Variants in FASTKD1 observed in about 807,000 individuals in gnomAD.
FASTKD1 encodes FAST kinase domain-containing protein 1, mitochondrial.
Under a neutral mutation model 90.9 loss-of-function variants are expected in FASTKD1, and 94 were observed. The ratio of observed to expected loss-of-function variants is 1.03; its 90% CI spans 0.88 to 1.23. The LOEUF (loss-of-function observed/expected upper bound fraction) is 1.23, where lower values mean the gene tolerates loss of function less well. FASTKD1 is among the 50% of genes most tolerant of loss of function. FASTKD1 has a pLI of 0.00. For missense variants in FASTKD1, 945 were observed against 993.5 expected, an observed-to-expected ratio of 0.95 and a Z score of 0.66; for synonymous variants, 319 against 345.8, an observed-to-expected ratio of 0.92 and a Z score of 0.86.
Position 169,529,644 on chromosome 2 carries a change from A to G in FASTKD1, c.*181T>C. On this transcript the variant is annotated 3_prime_UTR_variant, in exon 15 of 15. Coordinates refer to ENST00000453153, the MANE Select transcript of FASTKD1 (RefSeq NM_024622.6). Reference sequence around the variant, plus strand: ...TCTGTTATCTCTTATCTTTTCTCTTATACACTCCCACCCCACTCCCCACTT... The same window carrying G: ...TCTGTTATCTCTTATCTTTTCTCTTGTACACTCCCACCCCACTCCCCACTT... 1.8e-6 allele frequency: 1 copy of G among 546,230 alleles called. No homozygotes were observed. The highest frequency in any genetic ancestry group is 1.9e-5 in the African/African-American group (1 of 52,226). 33.8% of individuals were successfully genotyped at this position (546,230 alleles called of 1,614,324 possible). A position where few individuals can be genotyped will look rare whatever the true frequency, so the allele number is the denominator to read the frequency against.
chr2:169,539,080 CAACATGGTG>C (rs1300261893), intron 10 of FASTKD1, among the ~76,000 whole-genome samples: 1 of 151,720 alleles, frequency 6.6e-6, no homozygotes, highest in East Asian at 1.9e-4. Flanking sequence ...CCAACCTGGC[CAACATGGTG>C]AAACCTCGTC....
At position 169,565,918 on chromosome 2, in the gene FASTKD1, A is replaced by C. The variant is rs115943672; in HGVS notation, c.447-2568T>G. Among the ~76,000 whole-genome samples the C allele has an allele frequency of 8.4e-3, 1,280 of 152,008 alleles. 12 individuals carry two copies. The highest frequency in any genetic ancestry group is 0.029 in the African/African-American group (1,191 of 41,446). ...GAGATGATGTCTCATTGTAGTTTTG[A>C]TTTGCATTTTTCTGATGTTGCACCT... is the stretch of plus-strand genomic sequence containing the variant. On this transcript the variant is annotated intron_variant, in intron 3 of 14. Transcript: ENST00000453153.
chr2:169,540,240 A>G, intron 9 of FASTKD1, 61 bp from the exon 10 acceptor site: 1 of 1,395,566 alleles, frequency 7.2e-7, no homozygotes, highest in Non-Finnish European at 9.6e-7. Flanking sequence ...TACACTTATA[A>G]TTTATTCAGG....
chr2:169,533,835 A>C (rs944172845), intron 12 of FASTKD1, among the ~76,000 whole-genome samples: 2 of 152,148 alleles, frequency 1.3e-5, no homozygotes, highest in African/African-American at 4.8e-5. Flanking sequence ...GTCCCCCAAA[A>C]TTCATCTGTT....
chr2:169,560,220 A>G (rs1683516037), intron 5 of FASTKD1, 167 bp downstream of exon 5: 1 of 434,932 alleles, frequency 2.3e-6, no homozygotes, highest in Non-Finnish European at 4.0e-6. Context: ...TGAGATGTAA[A>G]TTAGAATAAT....
At chr2:169,556,504 G>A (rs1422900128) in intron 6 of FASTKD1, among the ~76,000 whole-genome samples, 9 of 150,666 alleles carry the variant, frequency 6.0e-5, no homozygotes, top group Admixed American at 2.0e-4. Flanking sequence ...CGAAGTGAAC[G>A]GATCACTTGA....
intron 7 of FASTKD1, among the ~76,000 whole-genome samples, chr2:169,551,850 C>T (rs1379587574): frequency 6.6e-6 from 1 of 151,990 alleles, no homozygotes; most frequent in Non-Finnish European, 1.5e-5. Flanking sequence ...AAGGCAAAAC[C>T]AATCCATGCA....
At chr2:169,562,598 A>G (rs16857042) in intron 4 of FASTKD1, among the ~76,000 whole-genome samples, 11,415 of 152,112 alleles carry the variant, frequency 0.075, 567 homozygotes, top group South Asian at 0.21. Flanking sequence ...AATACCTACT[A>G]TCCATTACTG....
Position 169,560,578 on chromosome 2 carries a change from C to G in FASTKD1, c.780G>C (p.Val260=), listed in dbSNP as rs753917863. 5.6e-6 allele frequency: 9 copies of G among 1,606,108 alleles called. No homozygotes were observed. The highest frequency in any genetic ancestry group is 6.8e-6 in the Non-Finnish European group (8 of 1,176,830). The change falls in exon 5 of 15, where the codon GTG becomes GTC. Residue 260 remains valine (V), a synonymous_variant. Coordinates refer to ENST00000453153, the MANE Select transcript of FASTKD1 (RefSeq NM_024622.6). ...TGATGGAATCCAAATCAAGGTGGTC[C>G]ACATTACTTAAAAATACGTTATTAC... is the stretch of plus-strand genomic sequence containing the variant. ...ERCNNVFLSN[V]DHLDLDSISK...
chr2:169,552,531 C>T (rs1685532759), intron 7 of FASTKD1, among the ~76,000 whole-genome samples: 1 of 152,020 alleles, frequency 6.6e-6, no homozygotes, highest in Non-Finnish European at 1.5e-5. Flanking sequence ...CCATGGATAT[C>T]ATGGTGTATA....
At chr2:169,567,771 G>A (rs1323617668) in intron 3 of FASTKD1, among the ~76,000 whole-genome samples, 1 of 152,138 alleles carries the variant, frequency 6.6e-6, no homozygotes, top group Non-Finnish European at 1.5e-5. Flanking sequence ...GATTTAGAGG[G>A]AGAGTTGCTC....
chr2:169,539,451 A>C (rs1684872038), intron 10 of FASTKD1, among the ~76,000 whole-genome samples: 1 of 151,892 alleles, frequency 6.6e-6, no homozygotes, highest in Admixed American at 6.6e-5. Flanking sequence ...CTCAAAATAT[A>C]AAAATAAAAA....
At chr2:169,560,226 A>G in intron 5 of FASTKD1, 161 bp downstream of exon 5, 1 of 447,046 alleles carries the variant, frequency 2.2e-6, no homozygotes, top group Non-Finnish European at 3.9e-6. Context: ...GTAAATTAGA[A>G]TAATCAGAAA....
chr2:169,564,322 A>G (rs1220489414), intron 3 of FASTKD1, among the ~76,000 whole-genome samples: 1 of 152,092 alleles, frequency 6.6e-6, no homozygotes, highest in Admixed American at 6.6e-5. Context: ...AAATTTATCA[A>G]TTTTATTATG....
rs151140092 is a variant in FASTKD1, at chr2:169,564,946, A to AT, written c.447-1597dup. ...TTACCCCATTGTGTATATATACCACATTTTTCTTTTTTTTTTTTTTTTTTG... is the reference window on the plus strand; with the variant it reads ...TTACCCCATTGTGTATATATACCACATTTTTTCTTTTTTTTTTTTTTTTTTG... On this transcript the variant is annotated intron_variant, in intron 3 of 14. Coordinates refer to ENST00000453153, the MANE Select transcript of FASTKD1 (RefSeq NM_024622.6). Among the ~76,000 whole-genome samples the AT allele has an allele frequency of 1.5e-3, 190 of 130,872 alleles. 1 individual carries two copies. The highest frequency in any genetic ancestry group is 0.011 in the East Asian group (49 of 4,372). The allele number at this position is 130,872 out of a possible 152,430, so 85.9% of individuals were successfully genotyped here. A position where few individuals can be genotyped will look rare whatever the true frequency, so the allele number is the denominator to read the frequency against.
intron 3 of FASTKD1, among the ~76,000 whole-genome samples, chr2:169,568,405 A>G (rs928521303): frequency 6.6e-6 from 1 of 152,122 alleles, no homozygotes; most frequent in African/African-American, 2.4e-5. Flanking sequence ...CTGTGACTCT[A>G]TCTTATTTAT....
chr2:169,560,065 C>T (rs1683507499), intron 5 of FASTKD1, among the ~76,000 whole-genome samples: 1 of 152,114 alleles, frequency 6.6e-6, no homozygotes. Flanking sequence ...CAGACTTACA[C>T]TGGGTGGGGG....
chr2:169,544,755 C>G lies in FASTKD1; in HGVS notation c.1782G>C (p.Leu594Phe). Residue 594 changes from leucine to phenylalanine, a missense_variant, in exon 9 of 15, where the codon TTG becomes TTC. Physicochemically the swap from Leu to Phe is conservative, Grantham distance 22 (BLOSUM62 0). Coordinates refer to ENST00000453153, the MANE Select transcript of FASTKD1 (RefSeq NM_024622.6). ...NYDPPQRDEFLGTCVQHLNSY... is the reference protein window; with the variant it reads ...NYDPPQRDEFFGTCVQHLNSY... ...AATTAAGATGTTGCACGCAAGTTCCCAAAAATTCATCCCTTTGAGGTGGAT... is the reference window on the plus strand; with the variant it reads ...AATTAAGATGTTGCACGCAAGTTCCGAAAAATTCATCCCTTTGAGGTGGAT... 6.2e-7 allele frequency: 1 copy of G among 1,611,038 alleles called. No individual in the cohort carries two copies. The highest frequency in any genetic ancestry group is 8.5e-7 in the Non-Finnish European group (1 of 1,177,656).
chr2:169,560,806 A>G (rs763158427), intron 4 of FASTKD1, 21 bp from the exon 5 acceptor site: 101 of 1,443,118 alleles, frequency 7.0e-5, no homozygotes, highest in Non-Finnish European at 9.1e-5. Context: ...AAAAAGATGC[A>G]AAGATTTTTA....
Sources: gnomAD v4.1 joint callset for allele counts (sites outside exome capture counted in the v4.1 genomes callset) on GRCh38, gnomAD v4.1.1 for gene constraint, MANE v1.5 for transcripts, NCBI Gene and HGNC (gene_info 2026-07-23, HGNC 2026-07-21) for gene names.